The following PCDH7 variants were observed in gnomAD, a reference collection of about 807,000 sequenced individuals.
PCDH7 encodes the protein protocadherin-7.
PCDH7 carries 17 observed loss-of-function variants against 58.9 expected under a neutral mutation model. That is an observed-to-expected ratio of 0.29 (90% CI 0.20 to 0.43). The LOEUF (loss-of-function observed/expected upper bound fraction) is 0.43, where lower values mean the gene tolerates loss of function less well. Among genes scored for constraint, PCDH7 ranks in the 20% least tolerant of loss-of-function variants. The pLI, the probability that PCDH7 is intolerant of heterozygous loss-of-function variation, is 1.00. For missense variants in PCDH7, 1,274 were observed against 1,441.0 expected (o/e 0.88, Z 1.88); for synonymous variants, 664 against 616.4 (o/e 1.08, Z -1.14).
At chr4:30,755,548 A>G (rs931136511) in intron 1 of PCDH7, among the ~76,000 whole-genome samples, 1 of 152,178 alleles carries the variant, frequency 6.6e-6, no homozygotes, top group Non-Finnish European at 1.5e-5. Context: ...AGTCCCAGAC[A>G]CTGTCCTGAG....
chr4:30,868,853 G>T (rs1735194799), intron 1 of PCDH7, among the ~76,000 whole-genome samples: 1 of 152,098 alleles, frequency 6.6e-6, no homozygotes, highest in Non-Finnish European at 1.5e-5. Context: ...CTAGCTTTCT[G>T]ATGTACAGGG....
At chr4:31,005,031 G>A (rs1752661649) in intron 3 of PCDH7, among the ~76,000 whole-genome samples, 1 of 152,144 alleles carries the variant, frequency 6.6e-6, no homozygotes, top group Non-Finnish European at 1.5e-5. Context: ...TAGTACTTCT[G>A]TAAAATTGAG....
intron 3 of PCDH7, among the ~76,000 whole-genome samples, chr4:31,028,238 A>G (rs1227367638): frequency 1.3e-5 from 2 of 152,178 alleles, no homozygotes; most frequent in Non-Finnish European, 2.9e-5. Flanking sequence ...TATTCCTAGA[A>G]TAAGAGGATT....
chr4:31,033,329 T>A (rs1755116374), intron 3 of PCDH7, among the ~76,000 whole-genome samples: 1 of 152,238 alleles, frequency 6.6e-6, no homozygotes, highest in African/African-American at 2.4e-5. Context: ...AATGATAGCA[T>A]GTCTTTTTAA....
At chr4:31,090,236 T>C (rs931718084) in intron 3 of PCDH7, among the ~76,000 whole-genome samples, 3 of 151,902 alleles carry the variant, frequency 2.0e-5, no homozygotes, top group Non-Finnish European at 4.4e-5. Flanking sequence ...CTGAAAGACT[T>C]TATGAAAAAA....
At chr4:31,044,917 T>G (rs1196973613) in intron 3 of PCDH7, among the ~76,000 whole-genome samples, 1 of 152,046 alleles carries the variant, frequency 6.6e-6, no homozygotes, top group Admixed American at 6.6e-5. Context: ...CAGTGACTTT[T>G]GGACCCTGAC....
At chr4:30,937,528 A>G (rs1745506484) in intron 2 of PCDH7, among the ~76,000 whole-genome samples, 1 of 152,122 alleles carries the variant, frequency 6.6e-6, no homozygotes. Flanking sequence ...ACTTGCTCAA[A>G]CTTGCTTAAG....
chr4:30,846,108 T>A (rs1578025542), intron 1 of PCDH7, among the ~76,000 whole-genome samples: 3 of 152,282 alleles, frequency 2.0e-5, no homozygotes, highest in Admixed American at 2.0e-4. Context: ...TAGCTATAAC[T>A]AAAACATGGT....
chr4:30,722,910 G>A lies in PCDH7; in HGVS notation c.1488G>A (p.Glu496=), dbSNP rs772301757. The change falls in exon 1 of 2, where the codon GAG becomes GAA. Residue 496 remains glutamate (E), a synonymous_variant. Transcript: ENST00000361762. The surrounding 1 kb of genome is among the most constrained non-coding windows in gnomAD (Gnocchi z 7.6). ...ACACCTCGACCCCTCTGGACTATGA[G>A]GCCACCCGGGAGTTCAACGTGGTCA... The A allele has an allele frequency of 3.7e-6, 6 of 1,613,762 alleles. No homozygotes were observed. In the Admixed American group the frequency reaches 1.0e-4, roughly 27 times the overall value.
intron 3 of PCDH7, among the ~76,000 whole-genome samples, chr4:31,015,254 A>G (rs1372682035): frequency 2.0e-5 from 3 of 152,142 alleles, no homozygotes; most frequent in East Asian, 3.9e-4. Context: ...TCAGCAAACT[A>G]CCAGTTGCTT....
At chr4:30,990,588 T>C (rs1751385316) in intron 3 of PCDH7, among the ~76,000 whole-genome samples, 1 of 152,162 alleles carries the variant, frequency 6.6e-6, no homozygotes, top group African/African-American at 2.4e-5. Context: ...CTACCTTGGG[T>C]AAACACTTAT....
chr4:30,861,524 A>G (rs866501081), intron 1 of PCDH7, among the ~76,000 whole-genome samples: 3 of 152,182 alleles, frequency 2.0e-5, no homozygotes, highest in South Asian at 4.1e-4. Flanking sequence ...CCTTATTTCA[A>G]CACTTGTGAA....
At chr4:30,744,996 A>G (rs1485109428) in intron 1 of PCDH7, among the ~76,000 whole-genome samples, 1 of 152,210 alleles carries the variant, frequency 6.6e-6, no homozygotes, top group African/African-American at 2.4e-5. Flanking sequence ...TTATTTTTAG[A>G]TGTCAAATCA....
chr4:31,017,292 G>A (rs1753692446), intron 3 of PCDH7, among the ~76,000 whole-genome samples: 1 of 152,116 alleles, frequency 6.6e-6, no homozygotes, highest in African/African-American at 2.4e-5. Flanking sequence ...TTAAGTAATA[G>A]TTATTCTTAT....
At chr4:30,841,165 C>T (rs1196263185) in intron 1 of PCDH7, among the ~76,000 whole-genome samples, 1 of 151,886 alleles carries the variant, frequency 6.6e-6, no homozygotes, top group Non-Finnish European at 1.5e-5. Flanking sequence ...AGAAAGAAAC[C>T]TTCATTTTTC....
chr4:30,892,095 A>G lies in PCDH7; in HGVS notation c.71-28058A>G, dbSNP rs192005045. ...GTTGCTTGATCATGTTTAATAACAG[A>G]AAGGCCCCCACTTAACTGGGTTGTT... On this transcript the variant is annotated intron_variant, in intron 1 of 3. Transcript: ENST00000509759. Among the ~76,000 whole-genome samples, 69 of 152,218 alleles carry G rather than the reference A, an allele frequency of 4.5e-4. 1 individual carries two copies. Among genetic ancestry groups the G allele is most frequent in the Admixed American group, 4.0e-3 (61 of 15,282 alleles).
chr4:30,846,939 C>T (rs1166694577), intron 1 of PCDH7, among the ~76,000 whole-genome samples: 2 of 151,884 alleles, frequency 1.3e-5, no homozygotes, highest in Non-Finnish European at 1.5e-5. Flanking sequence ...GCCTGGGCAA[C>T]ATGACAAGAC....
chr4:30,744,459 A>G (rs1717513111), intron 1 of PCDH7, among the ~76,000 whole-genome samples: 1 of 152,186 alleles, frequency 6.6e-6, no homozygotes, highest in Non-Finnish European at 1.5e-5. Context: ...GGTGTTGTTC[A>G]TTCATTTATT....
At chr4:30,980,769 G>A (rs11737647) in intron 3 of PCDH7, among the ~76,000 whole-genome samples, 12,182 of 152,082 alleles carry the variant, frequency 0.08, 685 homozygotes, top group Non-Finnish European at 0.12. Flanking sequence ...ATCAATTTTC[G>A]TTAATTTCTG....
Sources: gnomAD v4.1 joint callset for allele counts (sites outside exome capture counted in the v4.1 genomes callset) on GRCh38, gnomAD v4.1.1 for gene constraint, Gnocchi (gnomAD v3.1) non-coding constraint, MANE v1.5 for transcripts, NCBI Gene and HGNC (gene_info 2026-07-23, HGNC 2026-07-21) for gene names.